GNA12: variants seen among roughly 807,000 people sequenced by gnomAD.
GNA12 encodes G protein subunit alpha 12.
A neutral mutation model predicts 26.0 loss-of-function variants in GNA12; 9 were observed. The observed-to-expected ratio is 0.35, with a 90% CI of 0.21 to 0.60. The LOEUF (loss-of-function observed/expected upper bound fraction) is 0.60, where lower values mean the gene tolerates loss of function less well. GNA12 is among the 20% of genes least tolerant of loss of function. The pLI, the probability that GNA12 is intolerant of heterozygous loss-of-function variation, is 0.78. For missense variants in GNA12, 405 were observed against 525.8 expected, an observed-to-expected ratio of 0.77 and a Z score of 2.25; for synonymous variants, 264 against 219.6, an observed-to-expected ratio of 1.20 and a Z score of -1.79.
rs751715632 is a variant in GNA12, at chr7:2,795,002, C to A, written c.451G>T (p.Val151Phe). 3 of 1,614,182 alleles carry A rather than the reference C, an allele frequency of 1.9e-6. No individual in the cohort carries two copies. The highest frequency in any genetic ancestry group is 1.7e-5 in the Admixed American group (1 of 60,034). Residue 151 changes from valine (V) to phenylalanine (F), a missense_variant, in exon 2 of 4, where the codon GTC (valine) becomes TTC (phenylalanine). Coordinates refer to ENST00000275364, the MANE Select transcript of GNA12 (RefSeq NM_007353.3). ...PVEPATFQLY[V>F]PALSALWRDS... ...CTCCAGAGTGCGCTCAGGGCCGGGA[C>A]GTACAGCTGGAAGGTGGCCGGCTCC...
intron 2 of GNA12, among the ~76,000 whole-genome samples, chr7:2,753,954 G>C (rs1232126121): frequency 6.6e-6 from 1 of 152,140 alleles, no homozygotes; most frequent in South Asian, 2.1e-4. Context: ...TGTAGGTCCG[G>C]CGGCGCATCT....
chr7:2,810,958 G>A (rs1470933134), intron 1 of GNA12, among the ~76,000 whole-genome samples: 1 of 152,032 alleles, frequency 6.6e-6, no homozygotes, highest in Admixed American at 6.6e-5. Flanking sequence ...CATGTGGAAG[G>A]AGGCCCTGGA....
At chr7:2,759,426 C>T (rs766467875) in intron 2 of GNA12, among the ~76,000 whole-genome samples, 1 of 152,124 alleles carries the variant, frequency 6.6e-6, no homozygotes. Flanking sequence ...ACTGTTCTGT[C>T]CATGTGACAG....
chr7:2,829,772 T>A (rs76426391), intron 1 of GNA12, among the ~76,000 whole-genome samples: 1,547 of 152,288 alleles, frequency 0.01, 12 homozygotes, highest in Middle Eastern at 0.071. Flanking sequence ...CTTTCCAGCA[T>A]CCCTGTGGTA....
intron 2 of GNA12, among the ~76,000 whole-genome samples, chr7:2,747,015 A>T (rs1219290090): frequency 6.6e-6 from 1 of 151,948 alleles, no homozygotes; most frequent in Non-Finnish European, 1.5e-5. Flanking sequence ...TCTGAAATTG[A>T]GGCAATAATC....
intron 2 of GNA12, among the ~76,000 whole-genome samples, chr7:2,736,741 C>T (rs1490154678): frequency 2.6e-5 from 4 of 152,240 alleles, no homozygotes; most frequent in Non-Finnish European, 5.9e-5. Flanking sequence ...GAAAGACACA[C>T]GCTCGGCTTG....
chr7:2,744,210 G>A lies in GNA12; in HGVS notation c.526-10709C>T, dbSNP rs185239427. The stretch of plus-strand genomic sequence containing the variant: ...CACGCAGCTGGAGATCTGAGAACGG[G>A]CAGACTGCCTCCTCAAGTGGGTCCC... On this transcript the variant is annotated intron_variant, in intron 2 of 3. Transcript: ENST00000275364. 6.8e-3 allele frequency among the ~76,000 whole-genome samples: 1,038 copies of A among 152,366 alleles called. 14 individuals carry two copies. The highest frequency in any genetic ancestry group is 0.023 in the African/African-American group (975 of 41,588).
At chr7:2,828,853 T>C (rs1477458737) in intron 1 of GNA12, among the ~76,000 whole-genome samples, 3 of 152,100 alleles carry the variant, frequency 2.0e-5, no homozygotes, top group Admixed American at 1.3e-4. Context: ...CTCAGGAGTT[T>C]GAGACCAGCC....
chr7:2,778,414 G>T (rs987811147), intron 2 of GNA12, among the ~76,000 whole-genome samples: 1 of 152,088 alleles, frequency 6.6e-6, no homozygotes, highest in African/African-American at 2.4e-5. Flanking sequence ...TCTCTTTTGA[G>T]AATTTCATCT....
At chr7:2,763,043 C>G (rs895979222) in intron 2 of GNA12, 1 of 1,248,142 alleles carries the variant, frequency 8.0e-7, no homozygotes, top group Non-Finnish European at 1.0e-6. Context: ...CTCAGCGTGC[C>G]GTTCCTCCAG....
chr7:2,778,314 G>A (rs937695760), intron 2 of GNA12, among the ~76,000 whole-genome samples: 10 of 152,194 alleles, frequency 6.6e-5, no homozygotes, highest in Admixed American at 2.0e-4. Flanking sequence ...AATAGGGCAG[G>A]CCTTGCTTTT....
At chr7:2,796,248 GTTTAA>G (rs549209298) in intron 1 of GNA12, among the ~76,000 whole-genome samples, 10 of 152,148 alleles carry the variant, frequency 6.6e-5, no homozygotes, top group African/African-American at 9.7e-5. Flanking sequence ...TGTTTTTAAA[GTTTAA>G]TTTAATTTAT....
At chr7:2,821,929 A>T (rs1324694503) in intron 1 of GNA12, among the ~76,000 whole-genome samples, 2 of 152,192 alleles carry the variant, frequency 1.3e-5, no homozygotes, top group Non-Finnish European at 2.9e-5. Context: ...CAAATACTCA[A>T]ATGCCTACTA....
intron 2 of GNA12, among the ~76,000 whole-genome samples, chr7:2,752,734 G>T (rs756107167): frequency 6.6e-6 from 1 of 151,634 alleles, no homozygotes; most frequent in African/African-American, 2.4e-5. Flanking sequence ...TTTTTTTGCC[G>T]TAACTTTTCA....
At chr7:2,733,603 C>T (rs943115765) in intron 2 of GNA12, 102 bp from the exon 3 acceptor site, 97 of 841,168 alleles carry the variant, frequency 1.2e-4, no homozygotes, top group African/African-American at 8.0e-4. Flanking sequence ...ATTTCGCCTC[C>T]GTGTGAATGG....
intron 2 of GNA12, among the ~76,000 whole-genome samples, chr7:2,740,502 C>T (rs1197341794): frequency 1.3e-5 from 2 of 152,320 alleles, no homozygotes; most frequent in Non-Finnish European, 1.5e-5. Context: ...CCTCAATTTC[C>T]AATCTCCAGA....
rs141462784 is a variant in GNA12, at chr7:2,817,641, C to T, written c.310-22498G>A. Among the ~76,000 whole-genome samples the T allele has an allele frequency of 4.8e-3, 737 of 152,332 alleles. 7 individuals carry two copies. The highest frequency in any genetic ancestry group is 0.016 in the African/African-American group (683 of 41,562). ...CATGGACTCTGACTTTTGGCCACTG[C>T]TGTTATTCCCAATGCTGAAAACAGC... On this transcript the variant is annotated intron_variant, in intron 1 of 3. Transcript: ENST00000275364.
intron 2 of GNA12, among the ~76,000 whole-genome samples, chr7:2,737,477 C>T (rs370638179): frequency 5.1e-4 from 77 of 151,840 alleles, no homozygotes; most frequent in South Asian, 2.9e-3. Context: ...TTAGTAGAGA[C>T]GGGGTTTCAC....
chr7:2,815,352 G>A (rs1793193764), intron 1 of GNA12: 6 of 193,042 alleles, frequency 3.1e-5, no homozygotes, highest in Non-Finnish European at 6.4e-5. Flanking sequence ...AGCTTTCCTG[G>A]TGGAAGGAAT....
Sources: allele counts gnomAD v4.1 joint callset (sites outside exome capture counted in the v4.1 genomes callset), GRCh38; gene constraint gnomAD v4.1.1; transcripts MANE v1.5; gene names NCBI Gene and HGNC (gene_info 2026-07-23, HGNC 2026-07-21).